DDX50: variants seen among roughly 807,000 people sequenced by gnomAD.
DDX50 encodes the protein ATP-dependent RNA helicase DDX50.
Under a neutral mutation model 94.8 loss-of-function variants are expected in DDX50, and 56 were observed. That is an observed-to-expected ratio of 0.59 (90% CI 0.48 to 0.74). The LOEUF is 0.74. Ranked by LOEUF, DDX50 falls within the 30% of genes least tolerant of loss-of-function variation. The probability of loss-of-function intolerance (pLI) is 0.00; values close to 1 mark genes in which losing one functional copy is unlikely to be tolerated. For synonymous variants in DDX50, 264 were observed against 295.4 expected, an observed-to-expected ratio of 0.89 and a Z score of 1.09; for missense variants, 713 against 881.2, an observed-to-expected ratio of 0.81 and a Z score of 2.42.
chr10:68,919,496 A>G (rs1478755722), intron 7 of DDX50, among the ~76,000 whole-genome samples: 1 of 152,210 alleles, frequency 6.6e-6, no homozygotes, highest in African/African-American at 2.4e-5. Context: ...CCTATTCTAG[A>G]ACTTCATATA....
chr10:68,902,597 T>G (rs1159044600), intron 1 of DDX50, among the ~76,000 whole-genome samples: 1 of 152,244 alleles, frequency 6.6e-6, no homozygotes, highest in Non-Finnish European at 1.5e-5. Flanking sequence ...ACTGAAACTC[T>G]GTGCCCATTA....
chr10:68,929,873 C>T (rs1842205961), intron 8 of DDX50, among the ~76,000 whole-genome samples: 1 of 151,998 alleles, frequency 6.6e-6, no homozygotes, highest in Non-Finnish European at 1.5e-5. Flanking sequence ...GCTGGGATTA[C>T]AGGTGTGCAA....
At chr10:68,914,024 TAAG>T (rs1564603856) in intron 6 of DDX50, 32 bp from the exon 7 acceptor site, 3 of 1,541,448 alleles carry the variant, frequency 1.9e-6, no homozygotes, top group Non-Finnish European at 2.6e-6. Context: ...CGTGGGAAAT[TAAG>T]AAAACATTTG....
chr10:68,911,300 G>T, intron 4 of DDX50, 54 bp downstream of exon 4: 1 of 1,440,144 alleles, frequency 6.9e-7, no homozygotes, highest in Non-Finnish European at 9.2e-7. Flanking sequence ...GAAAGGGAAA[G>T]AAAGTTACAC....
intron 7 of DDX50, among the ~76,000 whole-genome samples, chr10:68,916,186 T>C (rs1210395007): frequency 6.6e-6 from 1 of 151,936 alleles, no homozygotes; most frequent in Non-Finnish European, 1.5e-5. Context: ...AAACCCTTTC[T>C]CTACTAAAAA....
rs976014929 is a variant in DDX50, at chr10:68,934,944, C to A, written c.1521+26C>A. The A allele has an allele frequency of 6.2e-7, 1 of 1,606,228 alleles. No homozygotes were observed. Among genetic ancestry groups the A allele is most frequent in the African/African-American group, 1.3e-5 (1 of 74,608 alleles). On this transcript the variant is annotated intron_variant, in intron 10 of 14. Coordinates refer to ENST00000373585, the MANE Select transcript of DDX50 (RefSeq NM_024045.2). This position sits in a 1 kb window ranked among gnomAD's most constrained non-coding sequence, Gnocchi z 4.0. ...GTAAGTAGAGTTAAATTATTTCAGG[C>A]TTATTGTCTAAATGGTGCCTTAAAA...
intron 8 of DDX50, among the ~76,000 whole-genome samples, chr10:68,925,275 T>TA (rs1301337793): frequency 6.6e-6 from 1 of 151,716 alleles, no homozygotes; most frequent in Non-Finnish European, 1.5e-5. Flanking sequence ...AACTAATTTT[T>TA]TTTTTTTTAT....
chr10:68,934,860 GTA>G lies in DDX50; in HGVS notation c.1467_1468del (p.Ile489MetfsTer23), dbSNP rs1374645205. 3 of 1,613,336 alleles carry G rather than the reference GTA, an allele frequency of 1.9e-6. No individual in the cohort carries two copies. Among genetic ancestry groups the G allele is most frequent in the East Asian group, 2.2e-5 (1 of 44,812 alleles). ...GGTAGAGCTGGACGGACAGGGATTT[GTA>G]TATGTTTTTATCAACCAAGAGAAAG... On this transcript the variant is annotated frameshift_variant, in exon 10 of 15. Transcript: ENST00000373585. LOFTEE classifies it high-confidence loss of function. This position sits in a 1 kb window ranked among gnomAD's most constrained non-coding sequence, Gnocchi z 4.0.
rs1438525978 is a variant in DDX50 at position 68,911,171 on chromosome 10, A to ATTCTCTTTT, written c.565_573dup (p.Phe189_Phe191dup). 6.2e-7 allele frequency: 1 copy of ATTCTCTTTT among 1,612,838 alleles called. No homozygotes were observed. The highest frequency in any genetic ancestry group is 1.3e-5 in the African/African-American group (1 of 74,902). On this transcript the variant is annotated inframe_insertion, in exon 4 of 15. Coordinates refer to ENST00000373585, the MANE Select transcript of DDX50 (RefSeq NM_024045.2). ...AAGCACGGACAGGAACAGGAAAGAC[A>ATTCTCTTTT]TTCTCTTTTGCCATCCCCTTAATTG...
At chr10:68,919,018 G>A (rs1841877233) in intron 7 of DDX50, among the ~76,000 whole-genome samples, 2 of 152,156 alleles carry the variant, frequency 1.3e-5, no homozygotes, top group African/African-American at 4.8e-5. Context: ...ACAGTGTTCA[G>A]TACAGTAACA....
chr10:68,910,524 T>G, intron 3 of DDX50, 142 bp downstream of exon 3: 2 of 595,130 alleles, frequency 3.4e-6, no homozygotes, highest in Non-Finnish European at 5.7e-6. Context: ...TACCTCAGCC[T>G]GCTGAGTAGT....
At chr10:68,921,379 T>A (rs987105718) in intron 8 of DDX50, among the ~76,000 whole-genome samples, 1 of 152,198 alleles carries the variant, frequency 6.6e-6, no homozygotes, top group Non-Finnish European at 1.5e-5. Context: ...CCTTTATGCA[T>A]TTTTTGTAGC....
chr10:68,906,394 C>A, intron 1 of DDX50: 1 of 226,668 alleles, frequency 4.4e-6, no homozygotes, highest in Non-Finnish European at 8.5e-6. Flanking sequence ...GAAGTTTTTG[C>A]TTGTTTAGTA....
Position 68,901,461 on chromosome 10 carries a change from A to C in DDX50, c.77A>C (p.Glu26Ala), listed in dbSNP as rs770379440. The change falls in exon 1 of 15, where the codon GAG becomes GCG. Residue 26 changes from glutamate to alanine, a missense_variant. Coordinates refer to ENST00000373585, the MANE Select transcript of DDX50 (RefSeq NM_024045.2). Reference protein sequence around the residue: ...PLEESESQKKERQKSDRRKSR... With the variant: ...PLEESESQKKARQKSDRRKSR... ...GAGGAGTCCGAGAGCCAGAAGAAGGAGAGGCAAAAGGTGCGCTGAGCATGG... is the reference window on the plus strand; with the variant it reads ...GAGGAGTCCGAGAGCCAGAAGAAGGCGAGGCAAAAGGTGCGCTGAGCATGG... The C allele has an allele frequency of 9.5e-6, 15 of 1,571,484 alleles. No homozygotes were observed. Among genetic ancestry groups the C allele is most frequent in the Non-Finnish European group, 1.1e-5 (13 of 1,158,968 alleles).
chr10:68,913,705 G>A, intron 6 of DDX50, 129 bp downstream of exon 6: 1 of 872,170 alleles, frequency 1.1e-6, no homozygotes. Flanking sequence ...TTTGGTATCT[G>A]TTCTGTCCTT....
intron 11 of DDX50, among the ~76,000 whole-genome samples, chr10:68,936,390 G>A (rs1842407031): frequency 6.7e-6 from 1 of 148,304 alleles, no homozygotes; most frequent in Admixed American, 6.8e-5. Flanking sequence ...TTGGGAGGCT[G>A]GAGCAGGAGA....
At chr10:68,904,530 C>T (rs570972272) in intron 1 of DDX50, among the ~76,000 whole-genome samples, 3 of 152,164 alleles carry the variant, frequency 2.0e-5, no homozygotes, top group African/African-American at 7.2e-5. Flanking sequence ...GGAGAGGAAC[C>T]ATTGAAGAAG....
intron 11 of DDX50, 136 bp downstream of exon 11, chr10:68,936,215 C>A: frequency 3.0e-6 from 2 of 660,130 alleles, no homozygotes; most frequent in Non-Finnish European, 4.8e-6. Context: ...AAATATAAAA[C>A]AGTGGCTCAT....
At position 68,901,429 on chromosome 10, in the gene DDX50, A is replaced by G; in HGVS notation, c.45A>G (p.Ala15=). ...GGGGGGACATTATGGAGCTGGAAGC[A>G]CCCTTGGAGGAGTCCGAGAGCCAGA... ...LLWGDIMELE[A]PLEESESQKK... is the part of the protein sequence containing the mutation. Residue 15 remains alanine (A), a synonymous_variant, in exon 1 of 15, where the codon GCA becomes GCG. Transcript: ENST00000373585. 1 of 1,575,490 alleles carries G rather than the reference A, an allele frequency of 6.3e-7. No individual in the cohort carries two copies. The highest frequency in any genetic ancestry group is 1.8e-5 in the Admixed American group (1 of 54,170).
Sources: gnomAD v4.1 joint callset for allele counts (sites outside exome capture counted in the v4.1 genomes callset) on GRCh38, gnomAD v4.1.1 for gene constraint, Gnocchi (gnomAD v3.1) non-coding constraint, MANE v1.5 for transcripts, NCBI Gene and HGNC (gene_info 2026-07-23, HGNC 2026-07-21) for gene names.